Variants in LASP1 observed in about 807,000 individuals in gnomAD.
LASP1 encodes the protein LIM and SH3 domain protein 1.
A neutral mutation model predicts 38.6 loss-of-function variants in LASP1; 10 were observed. The ratio of observed to expected loss-of-function variants is 0.26; its 90% CI spans 0.16 to 0.44. The LOEUF (loss-of-function observed/expected upper bound fraction) is 0.44. Ranked by LOEUF, LASP1 falls within the 20% of genes least tolerant of loss-of-function variation. The pLI, the probability that LASP1 is intolerant of heterozygous loss-of-function variation, is 1.00. For synonymous variants in LASP1, 132 were observed against 140.8 expected, an observed-to-expected ratio of 0.94 and a Z score of 0.44; for missense variants, 243 against 375.7, an observed-to-expected ratio of 0.65 and a Z score of 2.92.
chr17:38,911,428 C>T lies in LASP1; in HGVS notation c.358-2897C>T, dbSNP rs564655898. 2.3e-3 allele frequency among the ~76,000 whole-genome samples: 240 copies of T among 103,560 alleles called. 2 individuals are homozygous for T. In the Middle Eastern group the frequency reaches 0.049, roughly 21 times the overall value. The allele number at this position is 103,560 out of a possible 152,430, so 67.9% of individuals were successfully genotyped here. A position where few individuals can be genotyped will look rare whatever the true frequency, so the allele number is the denominator to read the frequency against. On this transcript the variant is annotated intron_variant, in intron 4 of 6. Transcript: ENST00000318008. The stretch of plus-strand genomic sequence containing the variant: ...CAGGTCCCTTAGCCTCTCTGGATAT[C>T]GGGATATGACATTGACTACCTCAGA...
chr17:38,895,974 T>C lies in LASP1; in HGVS notation c.250-2438T>C, dbSNP rs978185224. Among the ~76,000 whole-genome samples, 14 of 152,310 alleles carry C rather than the reference T, an allele frequency of 9.2e-5. No homozygotes were observed. The East Asian group carries it at 2.7e-3, about 29-fold the overall frequency. Reference sequence around the variant, plus strand: ...GGCATCTCCCAGAAGTGGGGTCCTCTGACCGAAGCGCTGAGTTGCATCCTG... The same window carrying C: ...GGCATCTCCCAGAAGTGGGGTCCTCCGACCGAAGCGCTGAGTTGCATCCTG... On this transcript the variant is annotated intron_variant, in intron 3 of 6. Transcript: ENST00000318008.
intron 3 of LASP1, among the ~76,000 whole-genome samples, chr17:38,893,219 C>T (rs1914393562): frequency 6.6e-6 from 1 of 152,228 alleles, no homozygotes; most frequent in Non-Finnish European, 1.5e-5. Context: ...CTGAACAGTG[C>T]TGATGGCACA....
At chr17:38,892,741 G>A (rs1469262698) in intron 3 of LASP1, among the ~76,000 whole-genome samples, 1 of 152,226 alleles carries the variant, frequency 6.6e-6, no homozygotes, top group East Asian at 1.9e-4. Context: ...AGGATGGGCA[G>A]CAAGTGGGCA....
intron 2 of LASP1, among the ~76,000 whole-genome samples, chr17:38,883,158 G>A (rs1008559741): frequency 1.3e-5 from 2 of 152,090 alleles, no homozygotes; most frequent in African/African-American, 4.8e-5. Flanking sequence ...AGCACTTTGG[G>A]AGACTGAGGA....
chr17:38,904,253 TA>T (rs1258004776), intron 4 of LASP1, among the ~76,000 whole-genome samples: 1 of 152,110 alleles, frequency 6.6e-6, no homozygotes, highest in Admixed American at 6.6e-5. Context: ...AGCTAGAGAT[TA>T]AAACTGGGGA....
chr17:38,911,075 G>C (rs550685335), intron 4 of LASP1, among the ~76,000 whole-genome samples: 2 of 152,156 alleles, frequency 1.3e-5, no homozygotes, highest in Non-Finnish European at 2.9e-5. Flanking sequence ...ATCCTGGTCT[G>C]TTCTCTTCAG....
rs138655471 is a variant in LASP1 at position 38,918,817 on chromosome 17, G to A, written c.*39G>A. 877 of 1,606,180 alleles carry A rather than the reference G, an allele frequency of 5.5e-4. 6 individuals are homozygous for A. The African/African-American group carries it at 1.0e-2, about 18-fold the overall frequency. ...CCATCTGTCTTCAGCACATTCCACG[G>A]CATCGCATCCGTCCTGGGCGTGACC... On this transcript the variant is annotated 3_prime_UTR_variant, in exon 7 of 7. Transcript: ENST00000318008. This position sits in a 1 kb window ranked among gnomAD's most constrained non-coding sequence, Gnocchi z 4.4.
intron 1 of LASP1, among the ~76,000 whole-genome samples, chr17:38,876,905 A>G (rs1913796776): frequency 6.6e-6 from 1 of 151,628 alleles, no homozygotes; most frequent in South Asian, 2.1e-4. Flanking sequence ...GGGTTTCACC[A>G]TGTTAGCCAG....
Position 38,898,494 on chromosome 17 carries a change from A to C in LASP1, c.332A>C (p.Lys111Thr). 1 of 1,551,484 alleles carries C rather than the reference A, an allele frequency of 6.4e-7. No individual in the cohort carries two copies. Among genetic ancestry groups the C allele is most frequent in the Non-Finnish European group, 8.7e-7 (1 of 1,146,748 alleles). Reference sequence around the variant, plus strand: ...GACACGCCCGAGCTCCAGAGAATCAAGAAGACCCAGGACCAGATCAGTAAC... The same window carrying C: ...GACACGCCCGAGCTCCAGAGAATCACGAAGACCCAGGACCAGATCAGTAAC... ...VADTPELQRI[K>T]KTQDQISNIK... Residue 111 changes from lysine to threonine, a missense_variant, in exon 4 of 7, where the codon AAG (lysine) becomes ACG (threonine). Physicochemically the swap from Lys to Thr is moderately conservative, Grantham distance 78. Coordinates refer to ENST00000318008, the MANE Select transcript of LASP1 (RefSeq NM_006148.4).
chr17:38,897,345 C>G (rs1024427514), intron 3 of LASP1, among the ~76,000 whole-genome samples: 5 of 152,248 alleles, frequency 3.3e-5, no homozygotes, highest in Non-Finnish European at 5.9e-5. Flanking sequence ...CCAGATGATT[C>G]CCTGCCAGGG....
At chr17:38,906,255 C>T (rs1914773881) in intron 4 of LASP1, among the ~76,000 whole-genome samples, 1 of 151,686 alleles carries the variant, frequency 6.6e-6, no homozygotes, top group African/African-American at 2.4e-5. Context: ...AGGCCAGGCG[C>T]GGTGGCTCAG....
intron 6 of LASP1, among the ~76,000 whole-genome samples, chr17:38,917,697 T>C (rs1459084226): frequency 6.6e-6 from 1 of 152,068 alleles, no homozygotes; most frequent in Non-Finnish European, 1.5e-5. Flanking sequence ...TTTTTTTCTT[T>C]TTTGAGACAG....
chr17:38,870,467 G>A (rs1045990072), intron 1 of LASP1, among the ~76,000 whole-genome samples: 2 of 152,238 alleles, frequency 1.3e-5, no homozygotes, highest in Non-Finnish European at 2.9e-5. Context: ...ACGCGTAGCG[G>A]GCAGCCGCTG....
chr17:38,885,127 G>A (rs1914079107), intron 2 of LASP1, among the ~76,000 whole-genome samples: 1 of 152,214 alleles, frequency 6.6e-6, no homozygotes, highest in Non-Finnish European at 1.5e-5. Flanking sequence ...AACCTGCCAA[G>A]CACATCTTTC....
intron 4 of LASP1, among the ~76,000 whole-genome samples, chr17:38,905,071 T>C (rs1433290111): frequency 6.6e-6 from 1 of 152,236 alleles, no homozygotes; most frequent in Non-Finnish European, 1.5e-5. Context: ...TGTGTAGCGG[T>C]AGTACATCCT....
chr17:38,900,380 C>CAAAAAAAAAAAAAAA (rs55996334), intron 4 of LASP1, among the ~76,000 whole-genome samples: 2 of 113,562 alleles, frequency 1.8e-5, no homozygotes, highest in Non-Finnish European at 3.6e-5. Flanking sequence ...ACCCTGTTTC[C>CAAAAAAAAAAAAAAA]AAAAAAAAAA....
At chr17:38,896,898 A>G in intron 3 of LASP1, 2 of 985,018 alleles carry the variant, frequency 2.0e-6, no homozygotes, top group Non-Finnish European at 2.4e-6. Context: ...CAACTCTTTT[A>G]CAGATGAAGA....
At chr17:38,902,233 C>CT (rs1317358349) in intron 4 of LASP1, among the ~76,000 whole-genome samples, 6 of 151,286 alleles carry the variant, frequency 4.0e-5, no homozygotes, top group Admixed American at 2.6e-4. Context: ...GCTAATTTTT[C>CT]TTTTTTTTGC....
Position 38,915,293 on chromosome 17 carries a change from A to G in LASP1, c.612+147A>G, listed in dbSNP as rs1039640622. The stretch of plus-strand genomic sequence containing the variant: ...TCTCAGCCTTGTGAGCAGAGAGGAA[A>G]TTGGTTGGCGTAGTGGGCAGAGGCT... On this transcript the variant is annotated intron_variant, in intron 6 of 6. Transcript: ENST00000318008. 2.7e-5 allele frequency: 18 copies of G among 667,522 alleles called. No individual in the cohort carries two copies. In the African/African-American group the frequency reaches 3.3e-4, roughly 12 times the overall value. 41.3% of individuals were successfully genotyped at this position (667,522 alleles called of 1,614,324 possible).
Sources: allele counts gnomAD v4.1 joint callset (sites outside exome capture counted in the v4.1 genomes callset), GRCh38; gene constraint gnomAD v4.1.1; non-coding constraint Gnocchi (gnomAD v3.1); transcripts MANE v1.5; gene names NCBI Gene and HGNC (gene_info 2026-07-23, HGNC 2026-07-21).